The following PPM1E variants were observed in gnomAD, a reference collection of about 807,000 sequenced individuals.
PPM1E encodes the protein protein phosphatase, Mg2+/Mn2+ dependent 1E.
Under a neutral mutation model 65.9 loss-of-function variants are expected in PPM1E, and 20 were observed. The ratio of observed to expected loss-of-function variants is 0.30; its 90% CI spans 0.21 to 0.44. The LOEUF (loss-of-function observed/expected upper bound fraction) is 0.44, where lower values mean the gene tolerates loss of function less well. PPM1E is among the 20% of genes least tolerant of loss of function. The pLI, the probability that PPM1E is intolerant of heterozygous loss-of-function variation, is 1.00. For missense variants in PPM1E, 713 were observed against 953.1 expected (o/e 0.75, Z 3.32); for synonymous variants, 352 against 374.9 (o/e 0.94, Z 0.70).
chr17:58,879,212 CACAT>C (rs2051161484), intron 1 of PPM1E, among the ~76,000 whole-genome samples: 2 of 151,352 alleles, frequency 1.3e-5, no homozygotes, highest in African/African-American at 2.4e-5. Flanking sequence ...GAATTAGGAA[CACAT>C]ACATTATTTT....
chr17:58,799,215 T>G (rs2050235518), intron 1 of PPM1E, among the ~76,000 whole-genome samples: 1 of 152,238 alleles, frequency 6.6e-6, no homozygotes, highest in Non-Finnish European at 1.5e-5. Context: ...CAGTGTTCTC[T>G]ATTTTGTTGA....
intron 1 of PPM1E, among the ~76,000 whole-genome samples, chr17:58,838,580 T>C (rs1412074595): frequency 1.3e-5 from 2 of 152,226 alleles, no homozygotes; most frequent in African/African-American, 4.8e-5. Context: ...CAAAATGATA[T>C]AGCCACTTTG....
intron 2 of PPM1E, among the ~76,000 whole-genome samples, chr17:58,964,413 TTAA>T (rs1318480590): frequency 3.3e-5 from 5 of 152,188 alleles, no homozygotes; most frequent in African/African-American, 9.7e-5. Flanking sequence ...TCAGTGTTGC[TTAA>T]AAGGCTTACA....
intron 1 of PPM1E, among the ~76,000 whole-genome samples, chr17:58,934,214 C>A (rs1283304544): frequency 6.6e-6 from 1 of 151,162 alleles, no homozygotes; most frequent in Non-Finnish European, 1.5e-5. Flanking sequence ...TGTAATAGTA[C>A]AATTTGACTT....
chr17:58,867,211 C>G (rs965673065), intron 1 of PPM1E, among the ~76,000 whole-genome samples: 17 of 152,354 alleles, frequency 1.1e-4, no homozygotes, highest in African/African-American at 3.8e-4. Flanking sequence ...AACTCCTGAC[C>G]TCATGATCTG....
chr17:58,837,285 A>C (rs1329774007), intron 1 of PPM1E, among the ~76,000 whole-genome samples: 1 of 143,476 alleles, frequency 7.0e-6, no homozygotes, highest in Non-Finnish European at 1.5e-5. Flanking sequence ...AAAAAAAAGA[A>C]TTCCCAGGAT....
intron 1 of PPM1E, among the ~76,000 whole-genome samples, chr17:58,787,998 T>C (rs1486532224): frequency 6.6e-6 from 1 of 152,044 alleles, no homozygotes; most frequent in Non-Finnish European, 1.5e-5. Flanking sequence ...CTGTACAAAT[T>C]CTTGTTCCAA....
chr17:58,962,532 T>C (rs1303166864), intron 2 of PPM1E, among the ~76,000 whole-genome samples: 2 of 152,214 alleles, frequency 1.3e-5, no homozygotes, highest in African/African-American at 4.8e-5. Flanking sequence ...CACATCCATC[T>C]CAGGGTCTGC....
At chr17:58,905,750 G>A (rs1407325299) in intron 1 of PPM1E, among the ~76,000 whole-genome samples, 1 of 151,988 alleles carries the variant, frequency 6.6e-6, no homozygotes, top group Non-Finnish European at 1.5e-5. Flanking sequence ...ACTGCACCCA[G>A]CCTATTTCCC....
chr17:58,971,505 T>C (rs1323498916), intron 4 of PPM1E, among the ~76,000 whole-genome samples: 1 of 152,210 alleles, frequency 6.6e-6, no homozygotes, highest in African/African-American at 2.4e-5. Context: ...CTGTTAGTTC[T>C]TTATGCAATG....
chr17:58,865,721 A>G lies in PPM1E; in HGVS notation c.465-89928A>G, dbSNP rs116809785. Among the ~76,000 whole-genome samples the G allele has an allele frequency of 6.5e-3, 985 of 152,260 alleles. 6 individuals carry two copies. Among genetic ancestry groups the G allele is most frequent in the African/African-American group, 0.022 (923 of 41,548 alleles). ...GTCTCAAAAAACAAACAAACAAACA[A>G]AAGTTTCTTTGTCAGTTTTCAAATA... On this transcript the variant is annotated intron_variant, in intron 1 of 6. Transcript: ENST00000308249.
chr17:58,789,889 G>A (rs899164345), intron 1 of PPM1E, among the ~76,000 whole-genome samples: 1 of 152,076 alleles, frequency 6.6e-6, no homozygotes. Context: ...GCCTAATTTT[G>A]TAGGCTTTGG....
At chr17:58,912,362 T>C (rs2051637568) in intron 1 of PPM1E, among the ~76,000 whole-genome samples, 1 of 152,192 alleles carries the variant, frequency 6.6e-6, no homozygotes. Context: ...TAATGTTACA[T>C]TTAAGCAGAG....
At chr17:58,782,386 A>C (rs1465996311) in intron 1 of PPM1E, among the ~76,000 whole-genome samples, 1 of 151,640 alleles carries the variant, frequency 6.6e-6, no homozygotes, top group African/African-American at 2.4e-5. Context: ...CACTTGCAAC[A>C]ATCTTAACTC....
chr17:58,861,284 C>T (rs2050939733), intron 1 of PPM1E, among the ~76,000 whole-genome samples: 1 of 152,106 alleles, frequency 6.6e-6, no homozygotes, highest in African/African-American at 2.4e-5. Flanking sequence ...ATAGCAACAA[C>T]AAAACATAAG....
chr17:58,868,029 A>C (rs2051025014), intron 1 of PPM1E, among the ~76,000 whole-genome samples: 1 of 152,162 alleles, frequency 6.6e-6, no homozygotes, highest in African/African-American at 2.4e-5. Context: ...CTCTGGTGTC[A>C]TTAAGAGCTT....
chr17:58,801,231 A>G (rs2050254987), intron 1 of PPM1E, among the ~76,000 whole-genome samples: 1 of 152,032 alleles, frequency 6.6e-6, no homozygotes, highest in African/African-American at 2.4e-5. Context: ...TTGTTAAGTG[A>G]GAGGAGAGTG....
intron 1 of PPM1E, among the ~76,000 whole-genome samples, chr17:58,779,437 T>G (rs2050030982): frequency 6.6e-6 from 1 of 152,128 alleles, no homozygotes; most frequent in Non-Finnish European, 1.5e-5. Flanking sequence ...CCTCCCAAAG[T>G]GCTGGGATTA....
At chr17:58,837,332 T>TACACACACAC (rs59797345) in intron 1 of PPM1E, among the ~76,000 whole-genome samples, 2 of 131,362 alleles carry the variant, frequency 1.5e-5, no homozygotes, top group African/African-American at 5.8e-5. Context: ...CACACACACA[T>TACACACACAC]ACACACACAC....
Sources: allele counts gnomAD v4.1 joint callset (sites outside exome capture counted in the v4.1 genomes callset), GRCh38; gene constraint gnomAD v4.1.1; transcripts MANE v1.5; gene names NCBI Gene and HGNC (gene_info 2026-07-23, HGNC 2026-07-21).